The following UCHL3 variants were observed in gnomAD, a reference collection of about 807,000 sequenced individuals.
UCHL3 encodes ubiquitin carboxyl-terminal hydrolase isozyme L3.
Under a neutral mutation model 35.8 loss-of-function variants are expected in UCHL3, and 22 were observed. The ratio of observed to expected loss-of-function variants is 0.61; its 90% CI spans 0.44 to 0.88. UCHL3 has a LOEUF of 0.88. Ranked by LOEUF, UCHL3 falls within the 40% of genes least tolerant of loss-of-function variation. UCHL3 has a pLI of 0.00. For synonymous variants in UCHL3, 90 were observed against 92.8 expected, an observed-to-expected ratio of 0.97 and a Z score of 0.17; for missense variants, 229 against 276.9, an observed-to-expected ratio of 0.83 and a Z score of 1.23.
chr13:75,574,110 C>G (rs1019645429), intron 6 of UCHL3, among the ~76,000 whole-genome samples: 2 of 151,790 alleles, frequency 1.3e-5, no homozygotes, highest in Admixed American at 6.6e-5. Context: ...CCCAGCTACT[C>G]GGGAGGCTGA....
chr13:75,583,775 C>T (rs1158927941), intron 6 of UCHL3, among the ~76,000 whole-genome samples: 1 of 152,102 alleles, frequency 6.6e-6, no homozygotes. Context: ...TAGAGATATA[C>T]TTACTGAGAT....
At chr13:75,549,698 T>G, upstream of UCHL3, 1 of 1,147,058 alleles carries the variant, frequency 8.7e-7, no homozygotes, top group Non-Finnish European at 1.2e-6. Context: ...CTCTTTTTGG[T>G]GTTTAGGCGC....
At chr13:75,549,646 G>A (rs2030997453), upstream of UCHL3, 1 of 566,064 alleles carries the variant, frequency 1.8e-6, no homozygotes, top group South Asian at 3.3e-5. Context: ...CTTGACCTAC[G>A]GCCCTGCACG....
At chr13:75,550,669 TG>T (rs1172072623) in intron 2 of UCHL3, among the ~76,000 whole-genome samples, 1 of 151,324 alleles carries the variant, frequency 6.6e-6, no homozygotes, top group Non-Finnish European at 1.5e-5. Flanking sequence ...GAAGAGTAAG[TG>T]CTACCAGGTA....
chr13:75,590,778 C>T (rs1179038034), intron 6 of UCHL3, among the ~76,000 whole-genome samples: 1 of 152,108 alleles, frequency 6.6e-6, no homozygotes, highest in Non-Finnish European at 1.5e-5. Flanking sequence ...ATGTAGGCTT[C>T]CCACAAATTT....
chr13:75,586,824 G>C (rs2032335396), intron 6 of UCHL3, among the ~76,000 whole-genome samples: 1 of 151,744 alleles, frequency 6.6e-6, no homozygotes, highest in South Asian at 2.1e-4. Flanking sequence ...ATTTTGAATT[G>C]ATTGAAAAGA....
intron 7 of UCHL3, among the ~76,000 whole-genome samples, chr13:75,600,219 C>T (rs569898750): frequency 5.9e-5 from 9 of 152,188 alleles, no homozygotes; most frequent in Admixed American, 1.3e-4. Context: ...CATAAAAGTG[C>T]ATGGTGAAGC....
At chr13:75,577,495 C>T (rs1278889609) in intron 6 of UCHL3, among the ~76,000 whole-genome samples, 1 of 152,170 alleles carries the variant, frequency 6.6e-6, no homozygotes, top group Non-Finnish European at 1.5e-5. Context: ...ATTTTGGTGT[C>T]TTCAGGGGGG....
intron 2 of UCHL3, among the ~76,000 whole-genome samples, chr13:75,557,315 T>A (rs2031327457): frequency 6.6e-6 from 1 of 152,182 alleles, no homozygotes; most frequent in African/African-American, 2.4e-5. Flanking sequence ...TCTCAAAACA[T>A]ATTTACAAAT....
In UCHL3 at chr13:75,605,804, G is replaced by T. The variant is rs1593775521; in HGVS notation, c.685G>T (p.Ala229Ser). ...ELRFNAIALS[A>S]A ...AAGATTTAATGCGATTGCTCTTTCT[G>T]CAGCATAGCTTGTCAATAATGGAAA... The change falls in exon 9 of 9, where the codon GCA (alanine) becomes TCA (serine). Residue 229 changes from alanine (A) to serine (S), a missense_variant. Coordinates refer to ENST00000377595, the MANE Select transcript of UCHL3 (RefSeq NM_006002.5). The T allele has an allele frequency of 3.1e-6, 5 of 1,613,854 alleles. No homozygotes were observed. The East Asian group carries it at 1.1e-4, about 36-fold the overall frequency.
At chr13:75,570,917 A>G in intron 6 of UCHL3, among the ~76,000 whole-genome samples, 1 of 151,560 alleles carries the variant, frequency 6.6e-6, no homozygotes, top group South Asian at 2.1e-4. Context: ...GTCTCTATAA[A>G]ATATATATAT....
intron 3 of UCHL3, among the ~76,000 whole-genome samples, chr13:75,563,214 C>T (rs1008571685): frequency 4.6e-5 from 7 of 152,158 alleles, no homozygotes; most frequent in African/African-American, 1.7e-4. Flanking sequence ...CTCACTCTGT[C>T]GCCCAATCTG....
chr13:75,589,878 G>T, intron 6 of UCHL3: 1 of 1,214,658 alleles, frequency 8.2e-7, no homozygotes, highest in Non-Finnish European at 1.1e-6. Context: ...TTGCTTTTAA[G>T]AATAAATGAT....
intron 2 of UCHL3, among the ~76,000 whole-genome samples, chr13:75,551,495 G>A (rs185027803): frequency 6.7e-6 from 1 of 150,262 alleles, no homozygotes; most frequent in East Asian, 1.9e-4. Flanking sequence ...CGCCAAACTA[G>A]ACAATTCATA....
At chr13:75,574,638 G>C (rs2031967732) in intron 6 of UCHL3, among the ~76,000 whole-genome samples, 1 of 152,164 alleles carries the variant, frequency 6.6e-6, no homozygotes, top group Admixed American at 6.5e-5. Context: ...AAACTGCTTA[G>C]AATAGTACCT....
chr13:75,601,760 GA>G (rs2032785976), intron 7 of UCHL3, among the ~76,000 whole-genome samples: 1 of 152,136 alleles, frequency 6.6e-6, no homozygotes, highest in Non-Finnish European at 1.5e-5. Context: ...ACATTTTTTA[GA>G]AGTTTTAATT....
At chr13:75,563,078 C>G (rs186552269) in intron 3 of UCHL3, among the ~76,000 whole-genome samples, 4 of 152,126 alleles carry the variant, frequency 2.6e-5, no homozygotes, top group Admixed American at 2.6e-4. Flanking sequence ...TTGTGAATGA[C>G]TTAAGCATAC....
At chr13:75,592,445 T>TATATATACGTATATAC in intron 6 of UCHL3, among the ~76,000 whole-genome samples, 1 of 55,688 alleles carries the variant, frequency 1.8e-5, no homozygotes, top group African/African-American at 7.0e-5. Flanking sequence ...TATATATATA[T>TATATATACGTATATAC]ATATATATAT....
chr13:75,593,194 G>C (rs1332872005), intron 6 of UCHL3, among the ~76,000 whole-genome samples: 1 of 152,130 alleles, frequency 6.6e-6, no homozygotes, highest in Admixed American at 6.6e-5. Context: ...GTAAAAGGAA[G>C]ACTCTTTCCT....
Sources: allele counts gnomAD v4.1 joint callset (sites outside exome capture counted in the v4.1 genomes callset), GRCh38; gene constraint gnomAD v4.1.1; transcripts MANE v1.5; gene names NCBI Gene and HGNC (gene_info 2026-07-23, HGNC 2026-07-21).